VSNL1: variants seen among roughly 807,000 people sequenced by gnomAD.
VSNL1 encodes the protein visinin-like protein 1.
VSNL1 carries 6 observed loss-of-function variants against 20.4 expected under a neutral mutation model. That is an observed-to-expected ratio of 0.29 (90% CI 0.16 to 0.58). The LOEUF is 0.58. Among genes scored for constraint, VSNL1 ranks in the 20% least tolerant of loss-of-function variants. VSNL1 has a pLI of 0.90. For missense variants in VSNL1, 100 were observed against 234.5 expected (o/e 0.43, Z 3.75); for synonymous variants, 93 against 86.4 (o/e 1.08, Z -0.42).
intron 2 of VSNL1, among the ~76,000 whole-genome samples, chr2:17,632,673 T>C (rs1665663993): frequency 6.6e-6 from 1 of 152,196 alleles, no homozygotes; most frequent in African/African-American, 2.4e-5. Context: ...GTGTTTTAAA[T>C]TTTTTCTTCG....
chr2:17,557,891 T>G (rs1446185988), intron 1 of VSNL1, among the ~76,000 whole-genome samples: 1 of 152,192 alleles, frequency 6.6e-6, no homozygotes, highest in Non-Finnish European at 1.5e-5. Flanking sequence ...CGTGGTTGCT[T>G]TCCTGTGGTG....
At chr2:17,543,070 T>A (rs1030866256) in intron 1 of VSNL1, among the ~76,000 whole-genome samples, 1 of 152,262 alleles carries the variant, frequency 6.6e-6, no homozygotes, top group Non-Finnish European at 1.5e-5. Flanking sequence ...CAGCACATCT[T>A]TTGAAATTGT....
intron 1 of VSNL1, among the ~76,000 whole-genome samples, chr2:17,572,865 C>T (rs1438912926): frequency 1.3e-5 from 2 of 152,112 alleles, no homozygotes; most frequent in Non-Finnish European, 2.9e-5. Context: ...TGTGAAGCTT[C>T]TCTCAATTCC....
At chr2:17,609,956 T>C (rs759639635) in intron 2 of VSNL1, among the ~76,000 whole-genome samples, 9 of 152,248 alleles carry the variant, frequency 5.9e-5, no homozygotes, top group African/African-American at 1.7e-4. Context: ...GCTGTGCCAC[T>C]GGACTGGTTG....
At chr2:17,594,055 G>A (rs924589430) in intron 2 of VSNL1, among the ~76,000 whole-genome samples, 3 of 152,190 alleles carry the variant, frequency 2.0e-5, no homozygotes, top group South Asian at 4.1e-4. Context: ...TGCCTTTGAA[G>A]AAATAGTTGA....
At chr2:17,591,449 AT>A (rs1664592099) in intron 1 of VSNL1, among the ~76,000 whole-genome samples, 2 of 152,208 alleles carry the variant, frequency 1.3e-5, no homozygotes, top group Non-Finnish European at 2.9e-5. Context: ...AACCATTAAG[AT>A]TTTGTCAACT....
At chr2:17,617,970 G>A (rs1232357489) in intron 2 of VSNL1, among the ~76,000 whole-genome samples, 1 of 151,994 alleles carries the variant, frequency 6.6e-6, no homozygotes, top group Non-Finnish European at 1.5e-5. Flanking sequence ...GTTTCCAGTG[G>A]CACAGTTCAA....
At position 17,622,532 on chromosome 2, in the gene VSNL1, A is replaced by AAAAGAAAGAAAGAAAG. The variant is rs201871488; in HGVS notation, c.163-26822_163-26807dup. ...AAAGAAAGAAAGAAAAGAAAGAAAG[A>AAAAGAAAGAAAGAAAG]AAAGAAAGAAAGAAAGAAAGAAAGA... On this transcript the variant is annotated intron_variant, in intron 2 of 3. Transcript: ENST00000295156. Among the ~76,000 whole-genome samples the AAAAGAAAGAAAGAAAG allele has an allele frequency of 1.5e-3, 146 of 98,702 alleles. 1 individual carries two copies. Among genetic ancestry groups the AAAAGAAAGAAAGAAAG allele is most frequent in the East Asian group, 0.012 (37 of 3,214 alleles). 64.8% of individuals were successfully genotyped at this position (98,702 alleles called of 152,430 possible).
At chr2:17,627,197 G>C (rs1454828651) in intron 2 of VSNL1, among the ~76,000 whole-genome samples, 1 of 152,164 alleles carries the variant, frequency 6.6e-6, no homozygotes, top group Non-Finnish European at 1.5e-5. Flanking sequence ...AACAATCCTA[G>C]TTCATTTGCA....
At chr2:17,594,517 C>A (rs1269630182) in intron 2 of VSNL1, among the ~76,000 whole-genome samples, 1 of 152,186 alleles carries the variant, frequency 6.6e-6, no homozygotes, top group Admixed American at 6.5e-5. Flanking sequence ...GAAAAAGCTT[C>A]TTTTAATGTT....
intron 1 of VSNL1, 97 bp from the exon 2 acceptor site, chr2:17,591,973 C>A: frequency 2.1e-6 from 3 of 1,404,240 alleles, no homozygotes; most frequent in East Asian, 2.3e-5. Flanking sequence ...GGAGGGAGTT[C>A]CGACCATGGG....
chr2:17,637,963 C>T (rs576013812), intron 2 of VSNL1, among the ~76,000 whole-genome samples: 1 of 152,304 alleles, frequency 6.6e-6, no homozygotes, highest in South Asian at 2.1e-4. Flanking sequence ...AGTCAAGACT[C>T]TCTAAGCAAC....
At chr2:17,573,443 T>A (rs555811967) in intron 1 of VSNL1, among the ~76,000 whole-genome samples, 1 of 151,596 alleles carries the variant, frequency 6.6e-6, no homozygotes, top group Non-Finnish European at 1.5e-5. Context: ...GGAAGACTAC[T>A]TAGTTTTTGC....
chr2:17,566,780 A>C (rs1191619357), intron 1 of VSNL1, among the ~76,000 whole-genome samples: 1 of 152,176 alleles, frequency 6.6e-6, no homozygotes, highest in Non-Finnish European at 1.5e-5. Context: ...TTTTAATCTA[A>C]CTGAAACGTA....
chr2:17,623,016 A>G (rs1450760974), intron 2 of VSNL1, among the ~76,000 whole-genome samples: 1 of 152,218 alleles, frequency 6.6e-6, no homozygotes, highest in African/African-American at 2.4e-5. Context: ...GAGATTCTCC[A>G]GGGATCCTTT....
intron 2 of VSNL1, among the ~76,000 whole-genome samples, chr2:17,639,809 A>G (rs574933301): frequency 8.5e-5 from 13 of 152,352 alleles, no homozygotes; most frequent in South Asian, 2.1e-4. Context: ...GGGAAGCCCA[A>G]TGCCCCTAGG....
At chr2:17,632,404 G>A (rs1199011082) in intron 2 of VSNL1, among the ~76,000 whole-genome samples, 2 of 151,914 alleles carry the variant, frequency 1.3e-5, no homozygotes, top group South Asian at 2.1e-4. Flanking sequence ...GGGTTCAAGT[G>A]ATTCTCCTGA....
chr2:17,622,212 CAAAA>C (rs60417092), intron 2 of VSNL1, among the ~76,000 whole-genome samples: 1 of 134,560 alleles, frequency 7.4e-6, no homozygotes. Context: ...GACTCTATCT[CAAAA>C]AAAAAAAAAA....
At chr2:17,567,051 C>T (rs972984310) in intron 1 of VSNL1, among the ~76,000 whole-genome samples, 7 of 152,012 alleles carry the variant, frequency 4.6e-5, no homozygotes, top group South Asian at 4.1e-4. Flanking sequence ...GAACACTATC[C>T]GTGGTCTTCC....
Sources: allele counts gnomAD v4.1 joint callset (sites outside exome capture counted in the v4.1 genomes callset), GRCh38; gene constraint gnomAD v4.1.1; transcripts MANE v1.5; gene names NCBI Gene and HGNC (gene_info 2026-07-23, HGNC 2026-07-21).